The following ERGIC1 variants were observed in gnomAD, a reference collection of about 807,000 sequenced individuals.
The protein encoded by ERGIC1 is endoplasmic reticulum-golgi intermediate compartment 1.
A neutral mutation model predicts 38.3 loss-of-function variants in ERGIC1; 19 were observed. The ratio of observed to expected loss-of-function variants is 0.50; its 90% CI spans 0.35 to 0.73. The LOEUF (loss-of-function observed/expected upper bound fraction) is 0.73, where lower values mean the gene tolerates loss of function less well. ERGIC1 is among the 30% of genes least tolerant of loss of function. The pLI is 0.01. For synonymous variants in ERGIC1, 124 were observed against 157.6 expected, an observed-to-expected ratio of 0.79 and a Z score of 1.60; for missense variants, 294 against 389.2, an observed-to-expected ratio of 0.76 and a Z score of 2.06.
chr5:172,873,226 G>C (rs145266404), intron 1 of ERGIC1, among the ~76,000 whole-genome samples: 1,538 of 152,314 alleles, frequency 0.01, 19 homozygotes, highest in Middle Eastern at 0.024. Flanking sequence ...GTTCTATCCC[G>C]GTGTGGGGCC....
chr5:172,923,909 T>C (rs1018696456), intron 5 of ERGIC1, 96 bp from the exon 6 acceptor site: 32 of 1,090,084 alleles, frequency 2.9e-5, no homozygotes, highest in Non-Finnish European at 4.3e-5. Context: ...ATCTGCCTGA[T>C]TCCAGTGTCC....
chr5:172,938,289 T>G (rs984223825), intron 9 of ERGIC1, among the ~76,000 whole-genome samples: 13 of 152,318 alleles, frequency 8.5e-5, no homozygotes, highest in Non-Finnish European at 2.9e-5. Context: ...GGTTCCCTGG[T>G]GCCTCCATGA....
chr5:172,850,949 C>T (rs189472152), intron 1 of ERGIC1, among the ~76,000 whole-genome samples: 3 of 152,080 alleles, frequency 2.0e-5, no homozygotes, highest in Non-Finnish European at 4.4e-5. Context: ...CTTGTAATCC[C>T]AGCACTTTGG....
At chr5:172,950,600 A>G in intron 9 of ERGIC1, 109 bp from the exon 10 acceptor site, 1 of 918,288 alleles carries the variant, frequency 1.1e-6, no homozygotes, top group South Asian at 1.8e-5. Flanking sequence ...CTTAACGGGC[A>G]ATGTCTGCCT....
In ERGIC1 at chr5:172,926,373, C is replaced by T; in HGVS notation, c.481-136C>T. Reference sequence around the variant, plus strand: ...GGCCCCTGCTGCCTCTTGCTCCCCACAAATCCGCTGGAGCCCCCTTTTACA... The same window carrying T: ...GGCCCCTGCTGCCTCTTGCTCCCCATAAATCCGCTGGAGCCCCCTTTTACA... On this transcript the variant is annotated intron_variant, in intron 6 of 9. Coordinates refer to ENST00000393784, the MANE Select transcript of ERGIC1 (RefSeq NM_001031711.3). The surrounding 1 kb of genome is among the most constrained non-coding windows in gnomAD (Gnocchi z 5.2). The T allele has an allele frequency of 2.3e-6, 2 of 881,508 alleles. No individual in the cohort carries two copies. Among genetic ancestry groups the T allele is most frequent in the East Asian group, 2.6e-5 (1 of 38,812 alleles). 54.6% of individuals were successfully genotyped at this position (881,508 alleles called of 1,614,324 possible).
chr5:172,947,427 C>T (rs1293778028), intron 9 of ERGIC1, among the ~76,000 whole-genome samples: 1 of 152,198 alleles, frequency 6.6e-6, no homozygotes, highest in Non-Finnish European at 1.5e-5. Context: ...ACCCTTCCAT[C>T]TCCCGAAGTG....
At chr5:172,905,737 G>A (rs1055703298) in intron 3 of ERGIC1, among the ~76,000 whole-genome samples, 5 of 72,258 alleles carry the variant, frequency 6.9e-5, no homozygotes, top group Non-Finnish European at 1.1e-4. Context: ...AGCTCGAGCC[G>A]GAACACAGAC....
intron 1 of ERGIC1, among the ~76,000 whole-genome samples, chr5:172,873,886 G>A (rs1242860543): frequency 6.6e-6 from 1 of 152,208 alleles, no homozygotes; most frequent in Non-Finnish European, 1.5e-5. Flanking sequence ...TTGACCTGTG[G>A]TAACTCAGGT....
intron 9 of ERGIC1, among the ~76,000 whole-genome samples, chr5:172,947,378 G>C (rs1325878725): frequency 1.3e-5 from 2 of 152,114 alleles, no homozygotes; most frequent in East Asian, 3.9e-4. Flanking sequence ...GGATCTCACT[G>C]TTTTGCCCAG....
intron 1 of ERGIC1, among the ~76,000 whole-genome samples, chr5:172,886,098 C>T (rs946099015): frequency 9.9e-5 from 15 of 152,042 alleles, no homozygotes; most frequent in Admixed American, 2.6e-4. Context: ...TGACCTCTCA[C>T]AGTCTCCCAC....
At chr5:172,883,361 T>A (rs968708368) in intron 1 of ERGIC1, among the ~76,000 whole-genome samples, 9 of 152,334 alleles carry the variant, frequency 5.9e-5, no homozygotes, top group African/African-American at 1.9e-4. Context: ...GATGGCCTTT[T>A]TCTGATCCAG....
chr5:172,905,128 T>G (rs1465146284), intron 3 of ERGIC1: 1 of 169,422 alleles, frequency 5.9e-6, no homozygotes, highest in Non-Finnish European at 1.3e-5. Context: ...GGGTTGCCAG[T>G]GGATGACATC....
At position 172,914,967 on chromosome 5, in the gene ERGIC1, G is replaced by C. The variant is rs369693476; in HGVS notation, c.375+129G>C. ...CACAGCCCCCAGCAAGCGAGGGTTC[G>C]TGTCCAGCTGCCTGGCCGTTCCTGC... is the stretch of plus-strand genomic sequence containing the variant. On this transcript the variant is annotated intron_variant, in intron 5 of 9. Transcript: ENST00000393784. The C allele has an allele frequency of 4.2e-6, 6 of 1,434,866 alleles. No individual in the cohort carries two copies. The African/African-American group carries it at 8.5e-5, about 20-fold the overall frequency. 88.9% of individuals were successfully genotyped at this position (1,434,866 alleles called of 1,614,324 possible).
chr5:172,943,830 C>T (rs535752568), intron 9 of ERGIC1, among the ~76,000 whole-genome samples: 14 of 152,174 alleles, frequency 9.2e-5, no homozygotes, highest in African/African-American at 1.7e-4. Flanking sequence ...GGAAGGCGTT[C>T]GTGCTGGTGG....
Position 172,887,369 on chromosome 5 carries a change from C to T in ERGIC1, c.21-1330C>T, listed in dbSNP as rs201348944. On this transcript the variant is annotated intron_variant, in intron 1 of 9. Transcript: ENST00000393784. Reference sequence around the variant, plus strand: ...GCTACGCAGGTTCAAGTGAAGGAAACGAAGCCAAGTGTGTGGGGAGCCTCC... The same window carrying T: ...GCTACGCAGGTTCAAGTGAAGGAAATGAAGCCAAGTGTGTGGGGAGCCTCC... 5.3e-5 allele frequency among the ~76,000 whole-genome samples: 8 copies of T among 152,314 alleles called. No individual in the cohort carries two copies. In the East Asian group the frequency reaches 5.8e-4, roughly 11 times the overall value.
At chr5:172,894,495 A>G (rs1305048008) in intron 2 of ERGIC1, among the ~76,000 whole-genome samples, 1 of 151,934 alleles carries the variant, frequency 6.6e-6, no homozygotes, top group East Asian at 1.9e-4. Context: ...CGCCTGGCCA[A>G]CTTTTTCAAA....
chr5:172,846,930 A>G lies in ERGIC1; in HGVS notation c.20+12497A>G, dbSNP rs1247595241. On this transcript the variant is annotated intron_variant, in intron 1 of 9. Coordinates refer to ENST00000393784, the MANE Select transcript of ERGIC1 (RefSeq NM_001031711.3). This position sits in a 1 kb window ranked among gnomAD's most constrained non-coding sequence, Gnocchi z 4.0. ...CAGGATATCCAGGCTGTCAGAGAAG[A>G]TTTATGGATGGGCAGGAAATTGGAC... Among the ~76,000 whole-genome samples the G allele has an allele frequency of 6.6e-6, 1 of 152,224 alleles. No individual in the cohort carries two copies. The highest frequency in any genetic ancestry group is 1.9e-4 in the East Asian group (1 of 5,198).
chr5:172,854,747 C>T lies in ERGIC1; in HGVS notation c.20+20314C>T, dbSNP rs937512799. Among the ~76,000 whole-genome samples, 9 of 152,378 alleles carry T rather than the reference C, an allele frequency of 5.9e-5. No homozygotes were observed. In the East Asian group the frequency reaches 1.5e-3, roughly 26 times the overall value. On this transcript the variant is annotated intron_variant, in intron 1 of 9. Coordinates refer to ENST00000393784, the MANE Select transcript of ERGIC1 (RefSeq NM_001031711.3). ...AATAAGTGAGTAAACAGTGATCTTA[C>T]TTGTTTTGACAAATCTTTCTTAAGT... is the stretch of plus-strand genomic sequence containing the variant.
intron 8 of ERGIC1, chr5:172,933,593 G>C (rs1013655648): frequency 1.3e-5 from 2 of 152,188 alleles, no homozygotes; most frequent in East Asian, 1.9e-4. Flanking sequence ...GCTGCTCTCT[G>C]TCCAATGACT....
Sources: allele counts gnomAD v4.1 joint callset (sites outside exome capture counted in the v4.1 genomes callset), GRCh38; gene constraint gnomAD v4.1.1; non-coding constraint Gnocchi (gnomAD v3.1); transcripts MANE v1.5; gene names NCBI Gene and HGNC (gene_info 2026-07-23, HGNC 2026-07-21).